PLPP3: variants seen among roughly 807,000 people sequenced by gnomAD.
PLPP3 encodes PAP2 beta.
Under a neutral mutation model 29.6 loss-of-function variants are expected in PLPP3, and 6 were observed. The ratio of observed to expected loss-of-function variants is 0.20; its 90% confidence interval spans 0.11 to 0.40. The LOEUF is 0.40. PLPP3 is among the 10% of genes least tolerant of loss of function. PLPP3 has a pLI of 1.00. For synonymous variants in PLPP3, 152 were observed against 159.7 expected (o/e 0.95, Z 0.36); for missense variants, 308 against 407.7 (o/e 0.76, Z 2.11).
At chr1:56,513,560 G>GCT (rs1645760317) in intron 4 of PLPP3, 1 of 152,268 alleles carries the variant, frequency 6.6e-6, no homozygotes, top group African/African-American at 2.4e-5. Context: ...TGAGACAGAA[G>GCT]AGTGGAAGAT....
chr1:56,531,000 C>T (rs946505070), intron 2 of PLPP3, among the ~76,000 whole-genome samples: 1 of 152,178 alleles, frequency 6.6e-6, no homozygotes, highest in Non-Finnish European at 1.5e-5. Context: ...GAGTTTGGCT[C>T]TTTGACTTAT....
chr1:56,562,095 G>C (rs1646133934), intron 1 of PLPP3, among the ~76,000 whole-genome samples: 1 of 109,502 alleles, frequency 9.1e-6, no homozygotes, highest in Non-Finnish European at 1.9e-5. Context: ...ACCAAGCAAA[G>C]AGAAAGAATG....
At chr1:56,571,030 T>C (rs1181233268) in intron 1 of PLPP3, among the ~76,000 whole-genome samples, 2 of 152,224 alleles carry the variant, frequency 1.3e-5, no homozygotes, top group Non-Finnish European at 2.9e-5. Flanking sequence ...TTCCTTTTTC[T>C]ACTGACGCAC....
intron 2 of PLPP3, among the ~76,000 whole-genome samples, chr1:56,530,420 G>A (rs1417649726): frequency 2.6e-5 from 4 of 152,110 alleles, no homozygotes; most frequent in Non-Finnish European, 2.9e-5. Context: ...CTCCCACCTG[G>A]AGATGTTAGT....
intron 5 of PLPP3, among the ~76,000 whole-genome samples, chr1:56,504,623 A>G (rs1290764897): frequency 1.3e-5 from 2 of 152,192 alleles, no homozygotes; most frequent in Non-Finnish European, 2.9e-5. Flanking sequence ...CTGCATTTCT[A>G]GGGTCACAAA....
At chr1:56,518,201 T>G (rs1335930767) in intron 4 of PLPP3, among the ~76,000 whole-genome samples, 2 of 152,086 alleles carry the variant, frequency 1.3e-5, no homozygotes, top group Non-Finnish European at 2.9e-5. Context: ...ACAACAATCT[T>G]GCTCCCCAAA....
intron 5 of PLPP3, among the ~76,000 whole-genome samples, chr1:56,508,971 A>G (rs1645722644): frequency 6.6e-6 from 1 of 152,186 alleles, no homozygotes; most frequent in African/African-American, 2.4e-5. Flanking sequence ...TCCCAGCTGA[A>G]CATTTCCAAA....
chr1:56,555,451 A>AAAAAAAAAAC (rs1557512821), intron 1 of PLPP3, among the ~76,000 whole-genome samples: 1 of 142,182 alleles, frequency 7.0e-6, no homozygotes, highest in Non-Finnish European at 1.5e-5. Context: ...AAAAAAAAAA[A>AAAAAAAAAAC]AAAAAAAAAC....
At chr1:56,520,242 C>G (rs1490065184) in intron 4 of PLPP3, among the ~76,000 whole-genome samples, 2 of 152,158 alleles carry the variant, frequency 1.3e-5, no homozygotes, top group African/African-American at 4.8e-5. Flanking sequence ...CTATGTAACC[C>G]ACTCATGGCT....
intron 1 of PLPP3, among the ~76,000 whole-genome samples, chr1:56,540,472 G>GA (rs1323580084): frequency 2.0e-5 from 3 of 151,992 alleles, no homozygotes; most frequent in African/African-American, 4.8e-5. Context: ...GAAGGCAAGG[G>GA]AAAAAAATCT....
chr1:56,505,680 A>G (rs1353490045), intron 5 of PLPP3, among the ~76,000 whole-genome samples: 1 of 152,190 alleles, frequency 6.6e-6, no homozygotes, highest in Non-Finnish European at 1.5e-5. Context: ...TCTCTAGCTT[A>G]CTTTATTGTA....
intron 1 of PLPP3, among the ~76,000 whole-genome samples, chr1:56,537,768 C>CAA (rs1184537944): frequency 6.6e-6 from 1 of 152,158 alleles, no homozygotes; most frequent in Non-Finnish European, 1.5e-5. Context: ...TTTCACTGTT[C>CAA]AAAGAACTAC....
rs1295684191 is a variant in PLPP3 at position 56,524,356 on chromosome 1, A to T, written c.496T>A (p.Phe166Ile). The change falls in exon 3 of 6, where the codon TTC (phenylalanine) becomes ATC (isoleucine). Residue 166 changes from phenylalanine (F) to isoleucine (I), a missense_variant. Coordinates refer to ENST00000371250, the MANE Select transcript of PLPP3 (RefSeq NM_003713.5). The surrounding 1 kb of genome is among the most constrained non-coding windows in gnomAD (Gnocchi z 4.3). ...CCTTCAGAGCAGTTGATCTGGCTGAAATCAGGGTTGCAGACACTCAAGAAG... is the reference window on the plus strand; with the variant it reads ...CCTTCAGAGCAGTTGATCTGGCTGATATCAGGGTTGCAGACACTCAAGAAG... ...PHFLSVCNPD[F>I]SQINCSEGYI... is the part of the protein sequence containing the mutation. 1 of 1,614,038 alleles carries T rather than the reference A, an allele frequency of 6.2e-7. No homozygotes were observed. Among genetic ancestry groups the T allele is most frequent in the Non-Finnish European group, 8.5e-7 (1 of 1,179,940 alleles).
intron 1 of PLPP3, among the ~76,000 whole-genome samples, chr1:56,569,751 A>G (rs932899033): frequency 2.6e-5 from 4 of 152,042 alleles, no homozygotes; most frequent in Non-Finnish European, 5.9e-5. Flanking sequence ...CTCATCTCCA[A>G]TGTCCTCCTT....
chr1:56,542,510 C>A (rs1645977484), intron 1 of PLPP3, among the ~76,000 whole-genome samples: 1 of 152,124 alleles, frequency 6.6e-6, no homozygotes, highest in Non-Finnish European at 1.5e-5. Flanking sequence ...TTTATGTCTT[C>A]TACATACCAG....
chr1:56,538,379 T>G (rs1289280506), intron 1 of PLPP3: 1 of 308,542 alleles, frequency 3.2e-6, no homozygotes, highest in African/African-American at 2.2e-5. Flanking sequence ...TTACAAATCT[T>G]GGAACTAGGG....
chr1:56,533,143 C>T (rs1457267417), intron 2 of PLPP3, among the ~76,000 whole-genome samples: 1 of 151,900 alleles, frequency 6.6e-6, no homozygotes, highest in Admixed American at 6.6e-5. Flanking sequence ...CAATATCCAC[C>T]CCCTGGATTC....
At chr1:56,505,974 A>G (rs1034149076) in intron 5 of PLPP3, among the ~76,000 whole-genome samples, 8 of 152,104 alleles carry the variant, frequency 5.3e-5, no homozygotes, top group Admixed American at 5.2e-4. Flanking sequence ...TCCCACATCC[A>G]TGTTTCTGCC....
At chr1:56,523,717 G>C in intron 4 of PLPP3, 106 bp downstream of exon 4, 1 of 1,261,874 alleles carries the variant, frequency 7.9e-7, no homozygotes, top group Non-Finnish European at 1.1e-6. Flanking sequence ...TCTTTTTCAA[G>C]GATTTCACAG....
Sources: allele counts gnomAD v4.1 joint callset (sites outside exome capture counted in the v4.1 genomes callset), GRCh38; gene constraint gnomAD v4.1.1; non-coding constraint Gnocchi (gnomAD v3.1); transcripts MANE v1.5; gene names NCBI Gene and HGNC (gene_info 2026-07-23, HGNC 2026-07-21).